The following PATJ variants were observed in gnomAD, a reference collection of about 807,000 sequenced individuals.
PATJ encodes inaD-like protein.
In PATJ, 190 loss-of-function variants were observed where a neutral mutation model predicts 224.9. The observed-to-expected ratio is 0.84, with a 90% CI of 0.75 to 0.95. PATJ has a LOEUF of 0.95. Among genes scored for constraint, PATJ ranks in the 40% least tolerant of loss-of-function variants. The probability of loss-of-function intolerance (pLI) is 0.00; values close to 1 mark genes in which losing one functional copy is unlikely to be tolerated. For synonymous variants in PATJ, 769 were observed against 820.3 expected (o/e 0.94, Z 1.07); for missense variants, 2,121 against 2,270.3 (o/e 0.93, Z 1.34).
chr1:61,822,211 A>G (rs781701525), intron 14 of PATJ, among the ~76,000 whole-genome samples: 69 of 152,208 alleles, frequency 4.5e-4, no homozygotes, highest in Non-Finnish European at 7.8e-4. Context: ...GAAGAGGGAC[A>G]GTCAAGAGAC....
chr1:62,148,467 A>G, intron 42 of PATJ, 77 bp downstream of exon 42: 2 of 1,012,786 alleles, frequency 2.0e-6, no homozygotes, highest in South Asian at 2.6e-5. Flanking sequence ...ACTCAAGTGC[A>G]CTCTAAAGGA....
chr1:62,150,831 A>G (rs1668555323), intron 42 of PATJ, among the ~76,000 whole-genome samples: 1 of 151,770 alleles, frequency 6.6e-6, no homozygotes, highest in South Asian at 2.1e-4. Flanking sequence ...AAATGTAAAG[A>G]CAAACAAAAC....
chr1:61,826,449 G>A (rs1170215512), intron 15 of PATJ, among the ~76,000 whole-genome samples: 3 of 152,186 alleles, frequency 2.0e-5, no homozygotes, highest in Non-Finnish European at 2.9e-5. Context: ...AGGAGGGTAG[G>A]AGTCAGATGC....
At chr1:61,879,239 T>C (rs1346854112) in intron 21 of PATJ, among the ~76,000 whole-genome samples, 1 of 152,226 alleles carries the variant, frequency 6.6e-6, no homozygotes, top group Non-Finnish European at 1.5e-5. Flanking sequence ...GTCTCTAACA[T>C]AGGCCATAGG....
chr1:61,884,447 AGTGGT>A, intron 22 of PATJ, 39 bp downstream of exon 22: 1 of 874,556 alleles, frequency 1.1e-6, no homozygotes, highest in Non-Finnish European at 1.5e-6. Context: ...ATTATAAAAT[AGTGGT>A]TTTTTTTTTT....
At chr1:62,034,893 A>G (rs1402192557) in intron 29 of PATJ, among the ~76,000 whole-genome samples, 2 of 152,224 alleles carry the variant, frequency 1.3e-5, no homozygotes, top group African/African-American at 4.8e-5. Context: ...CGATCTCTCA[A>G]TAAGAATTCA....
At chr1:61,805,681 C>T (rs753497108) in intron 13 of PATJ, among the ~76,000 whole-genome samples, 157 bp downstream of exon 13, 26 of 151,874 alleles carry the variant, frequency 1.7e-4, no homozygotes, top group Non-Finnish European at 2.9e-4. Context: ...GATTTTTTTC[C>T]CCCCATCTTT....
intron 31 of PATJ, among the ~76,000 whole-genome samples, chr1:62,062,307 C>A (rs12737180): frequency 1.2e-4 from 18 of 147,484 alleles, no homozygotes; most frequent in African/African-American, 4.0e-4. Context: ...GAGGTGGTAT[C>A]TCATGGTTTT....
intron 32 of PATJ, among the ~76,000 whole-genome samples, chr1:62,080,005 G>A (rs960860033): frequency 6.6e-6 from 1 of 151,026 alleles, no homozygotes; most frequent in African/African-American, 2.4e-5. Context: ...TCCAGCCTGG[G>A]TGACAGAGTG....
At position 61,885,801 on chromosome 1, in the gene PATJ, G is replaced by A. The variant is rs375153153; in HGVS notation, c.3131+1393G>A. Among the ~76,000 whole-genome samples the A allele has an allele frequency of 1.6e-4, 25 of 151,860 alleles. No individual in the cohort carries two copies. In the East Asian group the frequency reaches 2.3e-3, roughly 14 times the overall value. On this transcript the variant is annotated intron_variant, in intron 22 of 43. Transcript: ENST00000642238. ...CCAAATGTCCAACAATGATAGACTGGATTAAGAAAATGTGACACATATACA... is the reference window on the plus strand; with the variant it reads ...CCAAATGTCCAACAATGATAGACTGAATTAAGAAAATGTGACACATATACA...
At chr1:62,019,079 C>T (rs770142486) in intron 29 of PATJ, among the ~76,000 whole-genome samples, 1 of 152,050 alleles carries the variant, frequency 6.6e-6, no homozygotes, top group Non-Finnish European at 1.5e-5. Flanking sequence ...CCTGTCTCTA[C>T]TAAAAAATAC....
At chr1:62,054,655 G>T (rs1247279254) in intron 31 of PATJ, among the ~76,000 whole-genome samples, 2 of 152,202 alleles carry the variant, frequency 1.3e-5, no homozygotes, top group African/African-American at 4.8e-5. Context: ...CTAGATGAGA[G>T]CCTGTTAGAA....
rs1670838711 is a variant in PATJ at position 61,899,593 on chromosome 1, G to A, written c.3142G>A (p.Glu1048Lys). 6.2e-7 allele frequency: 1 copy of A among 1,609,452 alleles called. No homozygotes were observed. The highest frequency in any genetic ancestry group is 8.5e-7 in the Non-Finnish European group (1 of 1,177,902). Residue 1048 changes from glutamate (E) to lysine (K), a missense_variant, in exon 23 of 44, where the codon GAG (glutamate) becomes AAG (lysine). Glu to Lys is a moderately conservative substitution (Grantham distance 56). Transcript: ENST00000642238. ...TTTCTCCCTCTGTAGTGAGTTACCT[G>A]AGAGAGAAGAAGGCGAAGGAGAAGA... ...RYATDTCELP[E>K]REEGEGEETP...
At chr1:61,936,499 A>G (rs1269357843) in intron 27 of PATJ, among the ~76,000 whole-genome samples, 2 of 150,800 alleles carry the variant, frequency 1.3e-5, no homozygotes, top group Non-Finnish European at 3.0e-5. Flanking sequence ...AGATGGTCAT[A>G]TAATTGTCAG....
At chr1:61,807,447 G>C (rs924023808) in intron 13 of PATJ, among the ~76,000 whole-genome samples, 2 of 152,144 alleles carry the variant, frequency 1.3e-5, no homozygotes, top group African/African-American at 4.8e-5. Context: ...AGAGTTCTGG[G>C]ATACAGACAT....
chr1:62,005,515 G>A (rs1646039282), intron 28 of PATJ, among the ~76,000 whole-genome samples: 1 of 149,282 alleles, frequency 6.7e-6, no homozygotes, highest in African/African-American at 2.5e-5. Flanking sequence ...TATAACCTCA[G>A]CATTTTGAGA....
At chr1:62,042,937 G>A (rs749589559) in intron 30 of PATJ, among the ~76,000 whole-genome samples, 3 of 152,162 alleles carry the variant, frequency 2.0e-5, no homozygotes, top group African/African-American at 4.8e-5. Flanking sequence ...GTGAGCTACC[G>A]AGCCTAGTGT....
At chr1:61,960,216 C>T (rs1489666092) in intron 27 of PATJ, among the ~76,000 whole-genome samples, 1 of 152,092 alleles carries the variant, frequency 6.6e-6, no homozygotes, top group Non-Finnish European at 1.5e-5. Flanking sequence ...AAACATATTC[C>T]TTAACTCTAA....
chr1:62,077,254 T>A (rs1471761394), intron 31 of PATJ, among the ~76,000 whole-genome samples: 2 of 152,210 alleles, frequency 1.3e-5, no homozygotes, highest in African/African-American at 4.8e-5. Flanking sequence ...GTAAATGTGG[T>A]CCTTAGAATA....
Sources: gnomAD v4.1 joint callset for allele counts (sites outside exome capture counted in the v4.1 genomes callset) on GRCh38, gnomAD v4.1.1 for gene constraint, MANE v1.5 for transcripts, NCBI Gene and HGNC (gene_info 2026-07-23, HGNC 2026-07-21) for gene names.